The following CATSPERD variants were observed in gnomAD, a reference collection of about 807,000 sequenced individuals.
The protein encoded by CATSPERD is cation channel sperm-associated auxiliary subunit delta.
CATSPERD carries 86 observed loss-of-function variants against 98.1 expected under a neutral mutation model. That is an observed-to-expected ratio of 0.88 (90% confidence interval 0.74 to 1.05). The LOEUF (loss-of-function observed/expected upper bound fraction) is 1.05. CATSPERD is among the 50% of genes least tolerant of loss of function. The pLI is 0.00. For synonymous variants in CATSPERD, 394 were observed against 390.2 expected (o/e 1.01, Z -0.12); for missense variants, 995 against 1,005.7 (o/e 0.99, Z 0.14).
At chr19:5,767,932 G>A (rs910045947) in intron 17 of CATSPERD, among the ~76,000 whole-genome samples, 1 of 152,058 alleles carries the variant, frequency 6.6e-6, no homozygotes, top group Non-Finnish European at 1.5e-5. Flanking sequence ...AAGAAGCTGC[G>A]ATTAGAGGCG....
At chr19:5,751,250 C>T (rs1207148055) in intron 11 of CATSPERD, among the ~76,000 whole-genome samples, 1 of 129,198 alleles carries the variant, frequency 7.7e-6, no homozygotes, top group Non-Finnish European at 1.6e-5. Context: ...AAAGGCCTGG[C>T]GCGGTGGCTC....
At chr19:5,772,591 T>C (rs1318853988) in intron 19 of CATSPERD, among the ~76,000 whole-genome samples, 197 bp from the exon 20 acceptor site, 2 of 151,994 alleles carry the variant, frequency 1.3e-5, no homozygotes, top group Non-Finnish European at 2.9e-5. Flanking sequence ...CATCTCCCCA[T>C]GCACCCAGCT....
At chr19:5,764,140 C>T (rs945674766) in intron 16 of CATSPERD, among the ~76,000 whole-genome samples, 10 of 151,580 alleles carry the variant, frequency 6.6e-5, no homozygotes, top group African/African-American at 1.7e-4. Context: ...TGAGCCACTG[C>T]GCCCAACCTG....
At chr19:5,758,863 G>A (rs1190739834) in intron 14 of CATSPERD, among the ~76,000 whole-genome samples, 1 of 149,698 alleles carries the variant, frequency 6.7e-6, no homozygotes, top group East Asian at 2.0e-4. Flanking sequence ...GGTGGAGGTT[G>A]CAGTGAGCCA....
rs1367160397 is a variant in CATSPERD, at chr19:5,751,151, T to C, written c.988-496T>C. Among the ~76,000 whole-genome samples the C allele has an allele frequency of 4.1e-5, 5 of 121,636 alleles. No homozygotes were observed. In the East Asian group the frequency reaches 1.1e-3, roughly 27 times the overall value. 79.8% of individuals were successfully genotyped at this position (121,636 alleles called of 152,430 possible). On this transcript the variant is annotated intron_variant, in intron 11 of 21. Coordinates refer to ENST00000381624, the MANE Select transcript of CATSPERD (RefSeq NM_152784.4). The stretch of plus-strand genomic sequence containing the variant: ...AGGCGGAGGTTGCCGTGGGCTGAGA[T>C]TGCGCCACTGCACTCCAGCCCAGGC...
intron 7 of CATSPERD, among the ~76,000 whole-genome samples, chr19:5,743,702 C>CTCTCTGTCTCTG (rs57137634): frequency 1.1e-4 from 14 of 124,280 alleles, no homozygotes; most frequent in East Asian, 1.0e-3. Flanking sequence ...CTCTCTCTCT[C>CTCTCTGTCTCTG]TCTCTGTCTC....
chr19:5,742,368 G>A (rs966831769), intron 7 of CATSPERD, among the ~76,000 whole-genome samples: 2 of 152,166 alleles, frequency 1.3e-5, no homozygotes, highest in South Asian at 2.1e-4. Context: ...ATGTTTGTGC[G>A]TGTGGCAGTG....
chr19:5,776,900 G>C (rs544407869), intron 21 of CATSPERD, among the ~76,000 whole-genome samples: 1 of 151,878 alleles, frequency 6.6e-6, no homozygotes, highest in East Asian at 1.9e-4. Flanking sequence ...AAAAATTCAG[G>C]AATCTTACAC....
intron 13 of CATSPERD, among the ~76,000 whole-genome samples, chr19:5,757,443 A>G (rs1039698001): frequency 6.6e-6 from 1 of 151,028 alleles, no homozygotes; most frequent in African/African-American, 2.4e-5. Context: ...GATTACAGGC[A>G]TGCACCACCA....
intron 21 of CATSPERD, among the ~76,000 whole-genome samples, chr19:5,778,101 G>A (rs947540546): frequency 2.0e-5 from 3 of 151,574 alleles, no homozygotes; most frequent in Non-Finnish European, 2.9e-5. Context: ...CAGATACTTG[G>A]GAGGCTGAGG....
rs780663303 is a variant in CATSPERD at position 5,771,019 on chromosome 19, G to A, written c.1710G>A (p.Leu570=). Residue 570 remains leucine (L), a synonymous_variant, in exon 19 of 22, where the codon CTG becomes CTA. Coordinates refer to ENST00000381624, the MANE Select transcript of CATSPERD (RefSeq NM_152784.4). ...DLHVFYSYQQ[L]GCPLLVYYDT... is the part of the protein sequence containing the mutation. ...ACGTGTTTTACTCCTACCAGCAGCT[G>A]GGCTGTCCTCTCCTCGTCTACTATG... 2 of 1,613,960 alleles carry A rather than the reference G, an allele frequency of 1.2e-6. No homozygotes were observed. Among genetic ancestry groups the A allele is most frequent in the Non-Finnish European group, 1.7e-6 (2 of 1,179,958 alleles).
intron 12 of CATSPERD, 62 bp from the exon 13 acceptor site, chr19:5,754,070 C>A: frequency 8.6e-7 from 1 of 1,162,808 alleles, no homozygotes; most frequent in Non-Finnish European, 1.3e-6. Flanking sequence ...CTTCCCACCT[C>A]CTTGCCCTTT....
chr19:5,750,672 T>C (rs1043380428), intron 11 of CATSPERD, among the ~76,000 whole-genome samples: 34 of 150,716 alleles, frequency 2.3e-4, no homozygotes, highest in African/African-American at 7.8e-4. Context: ...GAGACGGAGG[T>C]TGCAGTGAGC....
intron 5 of CATSPERD, among the ~76,000 whole-genome samples, chr19:5,734,182 A>G (rs1157058044): frequency 6.6e-6 from 1 of 152,206 alleles, no homozygotes; most frequent in East Asian, 1.9e-4. Flanking sequence ...CACAAGCCAC[A>G]AAAGCTACTT....
chr19:5,772,286 G>A (rs562703596), intron 19 of CATSPERD: 80 of 226,470 alleles, frequency 3.5e-4, no homozygotes, highest in Admixed American at 7.2e-4. Context: ...GGAGTGCAGC[G>A]GTGTGATCTT....
Position 5,724,863 on chromosome 19 carries a change from G to T in CATSPERD, c.126+1G>T, listed in dbSNP as rs769851297. On this transcript the variant is annotated splice_donor_variant, in intron 2 of 21. Coordinates refer to ENST00000381624, the MANE Select transcript of CATSPERD (RefSeq NM_152784.4). LOFTEE classifies it high-confidence loss of function. Reference sequence around the variant, plus strand: ...TAATCTGATACAGGACGTTCAAGGGGTATGTGGCTCCATGCTTAAATTCAT... The same window carrying T: ...TAATCTGATACAGGACGTTCAAGGGTTATGTGGCTCCATGCTTAAATTCAT... 1.7e-5 allele frequency: 27 copies of T among 1,613,672 alleles called. No individual in the cohort carries two copies. Among genetic ancestry groups the T allele is most frequent in the Non-Finnish European group, 2.3e-5 (27 of 1,179,706 alleles).
At chr19:5,751,197 CAAAAA>C (rs556079596) in intron 11 of CATSPERD, among the ~76,000 whole-genome samples, 1 of 46,632 alleles carries the variant, frequency 2.1e-5, no homozygotes, top group Admixed American at 4.0e-4. Context: ...GATTCCGTCT[CAAAAA>C]AAAAAAAAAA....
At chr19:5,763,436 C>A (rs2056480609) in intron 16 of CATSPERD, 143 bp downstream of exon 16, 9 of 605,370 alleles carry the variant, frequency 1.5e-5, no homozygotes, top group Admixed American at 3.3e-5. Context: ...GCCTCAAAAA[C>A]TAAAAAAATT....
intron 13 of CATSPERD, among the ~76,000 whole-genome samples, chr19:5,756,517 C>T (rs1390321272): frequency 6.6e-6 from 1 of 152,064 alleles, no homozygotes; most frequent in Non-Finnish European, 1.5e-5. Context: ...AAGCTGGACC[C>T]CTGAAATGTC....
Sources: allele counts gnomAD v4.1 joint callset (sites outside exome capture counted in the v4.1 genomes callset), GRCh38; gene constraint gnomAD v4.1.1; transcripts MANE v1.5; gene names NCBI Gene and HGNC (gene_info 2026-07-23, HGNC 2026-07-21).